Variants in C15orf39 observed in about 807,000 individuals in gnomAD.
The protein encoded by C15orf39 is uncharacterized protein C15orf39.
A neutral mutation model predicts 53.9 loss-of-function variants in C15orf39; 24 were observed. The observed-to-expected ratio is 0.45, with a 90% CI of 0.32 to 0.63. C15orf39 has a LOEUF of 0.63. C15orf39 is among the 20% of genes least tolerant of loss of function. The pLI, the probability that C15orf39 is intolerant of heterozygous loss-of-function variation, is 0.04. For missense variants in C15orf39, 1,271 were observed against 1,347.9 expected (o/e 0.94, Z 0.89); for synonymous variants, 569 against 576.5 (o/e 0.99, Z 0.19).
chr15:75,204,602 A>C (rs1329416702), intron 1 of C15orf39, among the ~76,000 whole-genome samples: 1 of 151,846 alleles, frequency 6.6e-6, no homozygotes, highest in African/African-American at 2.4e-5. Context: ...CTGCCTCCTG[A>C]GTTCACGCAA....
At position 75,208,685 on chromosome 15, in the gene C15orf39, G is replaced by A. The variant is rs756519689; in HGVS notation, c.2637G>A (p.Ser879=). The A allele has an allele frequency of 1.4e-5, 23 of 1,607,608 alleles. No homozygotes were observed. The highest frequency in any genetic ancestry group is 8.9e-5 in the East Asian group (4 of 44,832). ...TGGAGCTGCGGCCCACCACGCTGTC[G>A]GAGGAGCGGGCACTGCGGGAGCTCG... The part of the protein sequence containing the change: ...HRVELRPTTL[S]EERALRELAL... Residue 879 remains serine, a synonymous_variant, in exon 2 of 3, where the codon TCG becomes TCA. Transcript: ENST00000394987.
chr15:75,204,295 T>C (rs751997807), intron 1 of C15orf39, among the ~76,000 whole-genome samples: 1 of 152,198 alleles, frequency 6.6e-6, no homozygotes, highest in Non-Finnish European at 1.5e-5. Flanking sequence ...AGGCTTCAGA[T>C]GAGCCCCTAA....
rs564716678 is a variant in C15orf39, at chr15:75,206,633, A to G, written c.585A>G (p.Pro195=). 1.2e-6 allele frequency: 2 copies of G among 1,613,714 alleles called. No homozygotes were observed. Among genetic ancestry groups the G allele is most frequent in the Admixed American group, 1.7e-5 (1 of 60,012 alleles). ...ATGGCACCTTCTTGCGGGGGGTGCC[A>G]GCTGAGGGGTCCAGTAAAGACTCCT... ...TLDGTFLRGV[P]AEGSSKDSSG... Residue 195 remains proline, a synonymous_variant, in exon 2 of 3, where the codon CCA becomes CCG. Coordinates refer to ENST00000394987, the MANE Select transcript of C15orf39 (RefSeq NM_015492.5).
At position 75,208,217 on chromosome 15, in the gene C15orf39, A is replaced by G; in HGVS notation, c.2169A>G (p.Pro723=). 2 of 1,613,310 alleles carry G rather than the reference A, an allele frequency of 1.2e-6. No homozygotes were observed. The highest frequency in any genetic ancestry group is 1.1e-5 in the South Asian group (1 of 91,044). ...AVAVASPAPA[P]APSPAPARAQ... is the part of the protein sequence containing the mutation. ...CTGTGGCCTCCCCTGCCCCTGCTCCAGCTCCATCCCCTGCTCCGGCTCGAG... is the reference window on the plus strand; with the variant it reads ...CTGTGGCCTCCCCTGCCCCTGCTCCGGCTCCATCCCCTGCTCCGGCTCGAG... Residue 723 remains proline, a synonymous_variant, in exon 2 of 3, where the codon CCA becomes CCG. Transcript: ENST00000394987.
At chr15:75,204,773 G>T (rs2070426958) in intron 1 of C15orf39, among the ~76,000 whole-genome samples, 1 of 152,216 alleles carries the variant, frequency 6.6e-6, no homozygotes, top group South Asian at 2.1e-4. Flanking sequence ...GCTTCCCAAA[G>T]TGCTGGGATT....
rs369281067 is a variant in C15orf39 at position 75,206,699 on chromosome 15, T to C, written c.651T>C (p.Tyr217=). The C allele has an allele frequency of 1.4e-4, 227 of 1,613,594 alleles. No individual in the cohort carries two copies. Among genetic ancestry groups the C allele is most frequent in the Non-Finnish European group, 1.5e-4 (177 of 1,179,958 alleles). ...FSPCQPFLEK[Y]QTIHSTGFLA... ...CATGCCAGCCCTTCCTGGAGAAATA[T>C]CAGACCATCCACAGCACGGGCTTCC... Residue 217 remains tyrosine (Y), a synonymous_variant, in exon 2 of 3, where the codon TAT becomes TAC. Transcript: ENST00000394987.
rs1368066599 is a variant in C15orf39 at position 75,208,523 on chromosome 15, C to T, written c.2475C>T (p.Phe825=). 1.8e-5 allele frequency: 28 copies of T among 1,579,872 alleles called. No homozygotes were observed. The highest frequency in any genetic ancestry group is 8.1e-5 in the African/African-American group (6 of 74,374). Residue 825 remains phenylalanine (F), a synonymous_variant, in exon 2 of 3, where the codon TTC becomes TTT. Coordinates refer to ENST00000394987, the MANE Select transcript of C15orf39 (RefSeq NM_015492.5). ...LAKLLSQLQR[F]DRTHRCPFPH... is the part of the protein sequence containing the mutation. ...AGCTGCTGTCTCAGCTGCAGCGCTTCGATCGCACCCACCGGTGCCCCTTCC... is the reference window on the plus strand; with the variant it reads ...AGCTGCTGTCTCAGCTGCAGCGCTTTGATCGCACCCACCGGTGCCCCTTCC...
rs191225583 is a variant in C15orf39, at chr15:75,207,320, G to T, written c.1272G>T (p.Gln424His). Residue 424 changes from glutamine to histidine, a missense_variant, in exon 2 of 3, where the codon CAG (glutamine) becomes CAT (histidine). Transcript: ENST00000394987. ...QRACQPLPAS[Q>H]PCSEPVRPAQ... ...CATGCCAGCCTTTGCCAGCGAGCCA[G>T]CCCTGCTCAGAGCCTGTGAGGCCTG... is the stretch of plus-strand genomic sequence containing the variant. The T allele has an allele frequency of 1.7e-5, 28 of 1,613,442 alleles. No individual in the cohort carries two copies. The highest frequency in any genetic ancestry group is 8.5e-7 in the Non-Finnish European group (1 of 1,180,028).
intron 2 of C15orf39, among the ~76,000 whole-genome samples, chr15:75,210,401 G>A (rs992371049): frequency 6.6e-6 from 1 of 152,188 alleles, no homozygotes; most frequent in African/African-American, 2.4e-5. Flanking sequence ...CATGATGGCT[G>A]TCTTATATAT....
upstream of C15orf39, among the ~76,000 whole-genome samples, chr15:75,200,074 T>C (rs185675140): frequency 6.6e-6 from 1 of 152,222 alleles, no homozygotes; most frequent in African/African-American, 2.4e-5. Context: ...CCCACACTGA[T>C]GTTGGCCGAC....
rs780646657 is a variant in C15orf39 at position 75,206,329 on chromosome 15, A to T, written c.281A>T (p.Tyr94Phe). 96 of 1,613,816 alleles carry T rather than the reference A, an allele frequency of 5.9e-5. 2 individuals carry two copies. In the South Asian group the frequency reaches 1.1e-3, roughly 18 times the overall value. The part of the protein sequence containing the change: ...ADNLLTNCLF[Y>F]RSPAEGPEKM... ...AACCTGCTGACCAACTGCCTGTTCTACCGCTCGCCAGCAGAAGGCCCTGAG... is the reference window on the plus strand; with the variant it reads ...AACCTGCTGACCAACTGCCTGTTCTTCCGCTCGCCAGCAGAAGGCCCTGAG... Residue 94 changes from tyrosine to phenylalanine, a missense_variant, in exon 2 of 3, where the codon TAC (tyrosine) becomes TTC (phenylalanine). Tyr to Phe is a conservative substitution (Grantham distance 22, BLOSUM62 3). This residue lies in a region of C15orf39 where 994 missense variants were observed against 993.7 expected (regional missense o/e 1.00). Transcript: ENST00000394987.
At chr15:75,203,254 C>T (rs759078578) in intron 1 of C15orf39, among the ~76,000 whole-genome samples, 10 of 152,202 alleles carry the variant, frequency 6.6e-5, no homozygotes, top group Non-Finnish European at 1.2e-4. Context: ...AAGGCAGGGG[C>T]GGTGCTGCGG....
rs1370486718 is a variant in C15orf39, at chr15:75,207,389, A to G, written c.1341A>G (p.Lys447=). The G allele has an allele frequency of 6.2e-7, 1 of 1,613,354 alleles. No homozygotes were observed. Among genetic ancestry groups the G allele is most frequent in the South Asian group, 1.1e-5 (1 of 91,086 alleles). The part of the protein sequence containing the change: ...EEKTWLPSCR[K]EKLQPRLSEH... ...AGACCTGGCTGCCCAGCTGCAGGAA[A>G]GAGAAGCTCCAGCCCCGGCTCAGTG... Residue 447 remains lysine, a synonymous_variant, in exon 2 of 3, where the codon AAA becomes AAG. Coordinates refer to ENST00000394987, the MANE Select transcript of C15orf39 (RefSeq NM_015492.5).
At chr15:75,205,075 G>T (rs1277121640) in intron 1 of C15orf39, among the ~76,000 whole-genome samples, 1 of 152,218 alleles carries the variant, frequency 6.6e-6, no homozygotes, top group Non-Finnish European at 1.5e-5. Flanking sequence ...GCCAAGTCCA[G>T]TATCTCAGCA....
rs1321253858 is a variant in C15orf39, at chr15:75,210,100, TG to T, written c.2777-646del. Among the ~76,000 whole-genome samples the T allele has an allele frequency of 5.9e-5, 9 of 152,250 alleles. No individual in the cohort carries two copies. The East Asian group carries it at 1.5e-3, about 26-fold the overall frequency. The stretch of plus-strand genomic sequence containing the variant: ...GGGCTGCCTGATCAGCAGTGGAGTC[TG>T]GGCACTCCACACAGTCCGAGGTGCT... On this transcript the variant is annotated intron_variant, in intron 2 of 2. Coordinates refer to ENST00000394987, the MANE Select transcript of C15orf39 (RefSeq NM_015492.5).
chr15:75,199,444 T>G (rs936228089), upstream of C15orf39, among the ~76,000 whole-genome samples: 24 of 152,112 alleles, frequency 1.6e-4, no homozygotes, highest in Admixed American at 4.6e-4. Flanking sequence ...TAGGGAAAGG[T>G]GCCATACTTC....
intron 1 of C15orf39, among the ~76,000 whole-genome samples, chr15:75,203,184 A>G (rs1032459947): frequency 6.6e-6 from 1 of 152,254 alleles, no homozygotes; most frequent in Non-Finnish European, 1.5e-5. Context: ...GCCATCGGCC[A>G]TCCCGAGGCC....
At chr15:75,205,930 A>G in intron 1 of C15orf39, 69 bp from the exon 2 acceptor site, 1 of 1,062,878 alleles carries the variant, frequency 9.4e-7, no homozygotes, top group East Asian at 2.6e-5. Context: ...TGATGAGAGC[A>G]GCAGCCCTCT....
chr15:75,211,334 A>G lies in C15orf39; in HGVS notation c.*218A>G. On this transcript the variant is annotated 3_prime_UTR_variant, in exon 3 of 3. Transcript: ENST00000394987. ...TAGGACTACTCCCTATTTCTTGCCT[A>G]GAGAACACACATGGGCTTTGGAGCC... The G allele has an allele frequency of 1.8e-6, 1 of 542,600 alleles. No individual in the cohort carries two copies. The highest frequency in any genetic ancestry group is 3.0e-6 in the Non-Finnish European group (1 of 328,500). 33.6% of individuals were successfully genotyped at this position (542,600 alleles called of 1,614,324 possible).
Sources: allele counts gnomAD v4.1 joint callset (sites outside exome capture counted in the v4.1 genomes callset), GRCh38; gene constraint gnomAD v4.1.1; regional missense constraint gnomAD v4.1.1; transcripts MANE v1.5; gene names NCBI Gene and HGNC (gene_info 2026-07-23, HGNC 2026-07-21).